Variants in ARHGAP15 observed in about 807,000 individuals in gnomAD.
ARHGAP15 encodes Rho GTPase activating protein 15.
Under a neutral mutation model 63.7 loss-of-function variants are expected in ARHGAP15, and 51 were observed. The ratio of observed to expected loss-of-function variants is 0.80; its 90% CI spans 0.64 to 1.01. The LOEUF (loss-of-function observed/expected upper bound fraction) is 1.01, where lower values mean the gene tolerates loss of function less well. Ranked by LOEUF, ARHGAP15 falls within the 50% of genes least tolerant of loss-of-function variation. The pLI, the probability that ARHGAP15 is intolerant of heterozygous loss-of-function variation, is 0.00. For missense variants in ARHGAP15, 560 were observed against 564.6 expected (o/e 0.99, Z 0.08); for synonymous variants, 191 against 193.8 (o/e 0.99, Z 0.12).
intron 12 of ARHGAP15, among the ~76,000 whole-genome samples, chr2:143,647,532 A>G (rs546018965): frequency 6.6e-6 from 1 of 152,086 alleles, no homozygotes; most frequent in African/African-American, 2.4e-5. Context: ...ACAAATTATT[A>G]TAGTTATTTT....
chr2:143,750,779 A>G (rs918221269), intron 13 of ARHGAP15, among the ~76,000 whole-genome samples: 3 of 152,252 alleles, frequency 2.0e-5, no homozygotes, highest in African/African-American at 4.8e-5. Flanking sequence ...ATGGTTTTGA[A>G]TGTTCCACAG....
intron 6 of ARHGAP15, among the ~76,000 whole-genome samples, chr2:143,349,476 T>C (rs1558912107): frequency 6.6e-6 from 1 of 152,202 alleles, no homozygotes; most frequent in Non-Finnish European, 1.5e-5. Context: ...GTCATTTAGC[T>C]TGTAATTTTC....
At chr2:143,516,089 T>C (rs1050056697) in intron 9 of ARHGAP15, among the ~76,000 whole-genome samples, 1 of 152,198 alleles carries the variant, frequency 6.6e-6, no homozygotes, top group Non-Finnish European at 1.5e-5. Flanking sequence ...TGCTCCCACA[T>C]TGCCTCTGCG....
chr2:143,736,160 G>A (rs1417614304), intron 13 of ARHGAP15, among the ~76,000 whole-genome samples: 1 of 152,082 alleles, frequency 6.6e-6, no homozygotes, highest in Non-Finnish European at 1.5e-5. Flanking sequence ...GGGTATCACC[G>A]GAGGTCAGGA....
At chr2:143,621,485 A>T (rs1178660529) in intron 11 of ARHGAP15, among the ~76,000 whole-genome samples, 1 of 152,208 alleles carries the variant, frequency 6.6e-6, no homozygotes, top group Non-Finnish European at 1.5e-5. Flanking sequence ...TTGCCTTAAC[A>T]TCACCTGGTT....
intron 1 of ARHGAP15, among the ~76,000 whole-genome samples, chr2:143,150,377 C>T (rs1376872536): frequency 2.0e-5 from 3 of 151,920 alleles, no homozygotes; most frequent in Non-Finnish European, 4.4e-5. Flanking sequence ...CTCCTATTTG[C>T]AGTATGAGTA....
At chr2:143,147,630 C>G (rs910673653) in intron 1 of ARHGAP15, among the ~76,000 whole-genome samples, 3 of 151,948 alleles carry the variant, frequency 2.0e-5, no homozygotes, top group Admixed American at 1.3e-4. Flanking sequence ...TTCCTTATGT[C>G]TCTTTAATTA....
chr2:143,208,185 G>A (rs7561313), intron 3 of ARHGAP15, among the ~76,000 whole-genome samples: 3,662 of 152,198 alleles, frequency 0.024, 158 homozygotes, highest in African/African-American at 0.084. Context: ...AAAATGTTGG[G>A]ATATATAAAT....
chr2:143,361,192 T>C (rs930461503), intron 6 of ARHGAP15, among the ~76,000 whole-genome samples: 3 of 152,212 alleles, frequency 2.0e-5, no homozygotes, highest in African/African-American at 7.2e-5. Flanking sequence ...TTAAATGTAC[T>C]CAAGATTGAA....
intron 13 of ARHGAP15, among the ~76,000 whole-genome samples, chr2:143,743,805 C>T (rs191767442): frequency 3.3e-5 from 5 of 151,254 alleles, no homozygotes; most frequent in Non-Finnish European, 5.9e-5. Context: ...AATCAAAACA[C>T]GGAAAGTTGG....
rs1322813018 is a variant in ARHGAP15 at position 143,436,846 on chromosome 2, A to G, written c.574-67A>G. The G allele has an allele frequency of 1.9e-6, 3 of 1,554,590 alleles. No individual in the cohort carries two copies. The Admixed American group carries it at 6.4e-5, about 33-fold the overall frequency. ...TTCCCCATAAACAGCAAAATTGAAC[A>G]CAAAATTCTATGGTGAATCCTTTCT... is the stretch of plus-strand genomic sequence containing the variant. On this transcript the variant is annotated intron_variant, in intron 7 of 13. Coordinates refer to ENST00000295095, the MANE Select transcript of ARHGAP15 (RefSeq NM_018460.4).
intron 11 of ARHGAP15, among the ~76,000 whole-genome samples, chr2:143,612,558 T>A (rs1698297711): frequency 6.6e-6 from 1 of 152,180 alleles, no homozygotes. Context: ...GAATGAACCA[T>A]TCCACACATT....
chr2:143,592,489 A>G (rs1210954415), intron 11 of ARHGAP15, among the ~76,000 whole-genome samples: 2 of 152,196 alleles, frequency 1.3e-5, no homozygotes, highest in African/African-American at 2.4e-5. Flanking sequence ...TTTCCTTCCC[A>G]TTAGTTTCAA....
chr2:143,487,937 A>G (rs1692401454), intron 9 of ARHGAP15, among the ~76,000 whole-genome samples: 1 of 152,234 alleles, frequency 6.6e-6, no homozygotes, highest in Non-Finnish European at 1.5e-5. Context: ...AGTCTGAAGT[A>G]AGTGCTAGGA....
intron 10 of ARHGAP15, among the ~76,000 whole-genome samples, chr2:143,530,758 G>A (rs565211922): frequency 2.6e-4 from 39 of 152,064 alleles, no homozygotes; most frequent in African/African-American, 6.7e-4. Context: ...TTTCCTGCTC[G>A]TATTTCTAAA....
At chr2:143,539,486 A>G (rs1269751957) in intron 10 of ARHGAP15, among the ~76,000 whole-genome samples, 3 of 151,910 alleles carry the variant, frequency 2.0e-5, no homozygotes, top group Non-Finnish European at 4.4e-5. Context: ...TGTCAATTTT[A>G]GATCTTTCCT....
chr2:143,144,435 C>A (rs1689496352), intron 1 of ARHGAP15, among the ~76,000 whole-genome samples: 1 of 151,960 alleles, frequency 6.6e-6, no homozygotes, highest in Non-Finnish European at 1.5e-5. Context: ...TTATTTTACT[C>A]ACACTTACCA....
intron 6 of ARHGAP15, among the ~76,000 whole-genome samples, chr2:143,253,881 A>T (rs1438307208): frequency 6.6e-6 from 1 of 152,108 alleles, no homozygotes; most frequent in African/African-American, 2.4e-5. Flanking sequence ...GTACACATTT[A>T]TAAAAGATCA....
rs539345020 is a variant in ARHGAP15, at chr2:143,274,378, C to T, written c.474+23778C>T. On this transcript the variant is annotated intron_variant, in intron 6 of 13. Coordinates refer to ENST00000295095, the MANE Select transcript of ARHGAP15 (RefSeq NM_018460.4). ...ACATTAGAACTAGCTTTTCTCTGGT[C>T]TTCTCATCTGTACTTCATTAAGTCA... is the stretch of plus-strand genomic sequence containing the variant. Among the ~76,000 whole-genome samples the T allele has an allele frequency of 3.3e-5, 5 of 152,150 alleles. 1 individual carries two copies. In the South Asian group the frequency reaches 1.0e-3, roughly 32 times the overall value.
Sources: gnomAD v4.1 joint callset for allele counts (sites outside exome capture counted in the v4.1 genomes callset) on GRCh38, gnomAD v4.1.1 for gene constraint, MANE v1.5 for transcripts, NCBI Gene and HGNC (gene_info 2026-07-23, HGNC 2026-07-21) for gene names.